The following ZNF469 variants were observed in gnomAD, a reference collection of about 807,000 sequenced individuals.
The protein encoded by ZNF469 is zinc finger protein 469.
A neutral mutation model predicts 1.0 loss-of-function variants in ZNF469; 1 was observed. The observed-to-expected ratio is 1.00, with a 90% confidence interval of 0.35 to 4.73. The LOEUF (loss-of-function observed/expected upper bound fraction) is 4.73, where lower values mean the gene tolerates loss of function less well. Among genes scored for constraint, ZNF469 ranks in the 30% most tolerant of loss-of-function variants. The pLI, the probability that ZNF469 is intolerant of heterozygous loss-of-function variation, is 0.16. For synonymous variants in ZNF469, 2,703 were observed against 2,363.4 expected, an observed-to-expected ratio of 1.14 and a Z score of -4.17; for missense variants, 6,100 against 5,356.3, an observed-to-expected ratio of 1.14 and a Z score of -4.33.
chr16:88,367,244 G>T, the ZNF469 span, among the ~76,000 whole-genome samples: 1 of 152,228 alleles, frequency 6.6e-6, no homozygotes, highest in African/African-American at 2.4e-5. Context: ...TATTGAGTTA[G>T]ATGTTGGTCC....
Position 88,436,115 on chromosome 16 carries a change from G to A in ZNF469, c.8645G>A (p.Cys2882Tyr), listed in dbSNP as rs1597213054. The change falls in exon 3 of 3, where the codon TGT becomes TAT. Residue 2882 changes from cysteine (C) to tyrosine (Y), a missense_variant. Coordinates refer to ENST00000565624, the MANE Select transcript of ZNF469 (RefSeq NM_001367624.2). ...KRNPHVYGKRCEKPVLPLPTQ... is the reference protein window; with the variant it reads ...KRNPHVYGKRYEKPVLPLPTQ... ...AACCCGCATGTCTACGGGAAGCGCT[G>A]TGAGAAGCCGGTGCTCCCGCTGCCA... 1 of 1,548,792 alleles carries A rather than the reference G, an allele frequency of 6.5e-7. No homozygotes were observed. The highest frequency in any genetic ancestry group is 1.4e-5 in the African/African-American group (1 of 73,192).
chr16:88,169,011 A>G, the ZNF469 span, among the ~76,000 whole-genome samples: 86 of 152,114 alleles, frequency 5.7e-4, no homozygotes, highest in African/African-American at 1.8e-3. The surrounding 1 kb of genome is among the most constrained non-coding windows in gnomAD (Gnocchi z 6.1). Context: ...ATCTGGAAGG[A>G]TGTGGGGAGG....
At chr16:88,247,505 G>GAATGAGTGAGTGAGT in the ZNF469 span, among the ~76,000 whole-genome samples, 13,743 of 144,592 alleles carry the variant, frequency 0.095, 909 homozygotes, top group East Asian at 0.29. Context: ...AGTGAGTGAG[G>GAATGAGTGAGTGAGT]GAATGAGTGA....
the ZNF469 span, among the ~76,000 whole-genome samples, chr16:88,142,044 T>C: frequency 6.6e-6 from 1 of 152,142 alleles, no homozygotes. Flanking sequence ...TGAGCTGAGC[T>C]CGAGATGCCT....
the ZNF469 span, among the ~76,000 whole-genome samples, chr16:88,164,929 C>T: frequency 4.3e-4 from 65 of 152,300 alleles, no homozygotes; most frequent in African/African-American, 1.4e-3. Context: ...TGGCTCAGGG[C>T]CAGGCAGTAG....
Position 88,431,400 on chromosome 16 carries a change from C to T in ZNF469, c.3930C>T (p.Ala1310=), listed in dbSNP as rs1906172311. 1.9e-6 allele frequency: 3 copies of T among 1,550,218 alleles called. No individual in the cohort carries two copies. The highest frequency in any genetic ancestry group is 2.6e-6 in the Non-Finnish European group (3 of 1,146,968). The change falls in exon 3 of 3, where the codon GCC becomes GCT. Residue 1310 remains alanine, a synonymous_variant. Transcript: ENST00000565624. ...TGGGTGGTCCTGGGGGCACACAGGC[C>T]CCAGTCTCCCACAACAGCAAGGACC... ...SLLGGPGGTQ[A]PVSHNSKDPP...
At chr16:88,156,537 C>A in the ZNF469 span, among the ~76,000 whole-genome samples, 1 of 152,170 alleles carries the variant, frequency 6.6e-6, no homozygotes, top group Non-Finnish European at 1.5e-5. Context: ...ATCAATTGAA[C>A]CTACATGTGA....
At chr16:88,196,894 G>T in the ZNF469 span, among the ~76,000 whole-genome samples, 1,761 of 152,252 alleles carry the variant, frequency 0.012, 76 homozygotes, top group East Asian at 0.14. Context: ...CTGCTCTTTG[G>T]GGCATGAGGA....
chr16:88,152,307 G>A, the ZNF469 span, among the ~76,000 whole-genome samples: 4 of 152,240 alleles, frequency 2.6e-5, no homozygotes, highest in Non-Finnish European at 5.9e-5. The surrounding 1 kb of genome is among the most constrained non-coding windows in gnomAD (Gnocchi z 4.2). Flanking sequence ...AAAGTCACGG[G>A]CAGCCATGAG....
chr16:88,371,762 A>G, the ZNF469 span, among the ~76,000 whole-genome samples: 1,003 of 152,064 alleles, frequency 6.6e-3, 11 homozygotes, highest in African/African-American at 0.021. Context: ...CACATTTGCT[A>G]TGCTTAATTT....
the ZNF469 span, among the ~76,000 whole-genome samples, chr16:88,184,276 C>T: frequency 1.4e-4 from 21 of 152,188 alleles, no homozygotes; most frequent in East Asian, 1.2e-3. Context: ...CCCAGCCTGG[C>T]AGTGTGGGGC....
chr16:88,403,473 C>T (rs948024271), intron 1 of ZNF469, among the ~76,000 whole-genome samples: 1 of 149,786 alleles, frequency 6.7e-6, no homozygotes, highest in Non-Finnish European at 1.5e-5. Flanking sequence ...ACCGCCATCT[C>T]GGGAGCAGCT....
At chr16:88,375,039 A>G in the ZNF469 span, among the ~76,000 whole-genome samples, 1 of 152,244 alleles carries the variant, frequency 6.6e-6, no homozygotes, top group African/African-American at 2.4e-5. Flanking sequence ...GACTGTGCAC[A>G]CAGCTGGGGC....
chr16:88,156,542 A>C, the ZNF469 span, among the ~76,000 whole-genome samples: 13 of 152,356 alleles, frequency 8.5e-5, 1 homozygote, highest in East Asian at 2.3e-3. Flanking sequence ...TTGAACCTAC[A>C]TGTGAGAAGT....
the ZNF469 span, among the ~76,000 whole-genome samples, chr16:88,253,562 G>A: frequency 6.6e-6 from 1 of 150,594 alleles, no homozygotes; most frequent in African/African-American, 2.5e-5. Flanking sequence ...TTTGGAGATG[G>A]AGTCTCATTC....
At chr16:88,114,299 G>A in the ZNF469 span, among the ~76,000 whole-genome samples, 13 of 145,190 alleles carry the variant, frequency 9.0e-5, no homozygotes, top group African/African-American at 3.1e-4. Context: ...CACTCACTGC[G>A]GGGGTCTTCG....
At chr16:88,258,602 C>T in the ZNF469 span, among the ~76,000 whole-genome samples, 1 of 152,052 alleles carries the variant, frequency 6.6e-6, no homozygotes, top group Admixed American at 6.5e-5. Context: ...GCTTTGGGGA[C>T]GCTAAGCATG....
chr16:88,434,306 C>T lies in ZNF469; in HGVS notation c.6836C>T (p.Pro2279Leu). 1 of 1,550,380 alleles carries T rather than the reference C, an allele frequency of 6.5e-7. No homozygotes were observed. Among genetic ancestry groups the T allele is most frequent in the Non-Finnish European group, 8.7e-7 (1 of 1,146,978 alleles). Residue 2279 changes from proline (P) to leucine (L), a missense_variant, in exon 3 of 3, where the codon CCC becomes CTC. By Grantham distance (98) the Pro-to-Leu change is moderately conservative. Coordinates refer to ENST00000565624, the MANE Select transcript of ZNF469 (RefSeq NM_001367624.2). ...TSPPLAGAVS[P>L]SVAVRATGLS... ...CCTCCTCTGGCAGGGGCCGTCTCCC[C>T]CAGCGTGGCCGTCAGGGCTACTGGC...
chr16:88,229,781 C>T, the ZNF469 span, among the ~76,000 whole-genome samples: 4 of 152,212 alleles, frequency 2.6e-5, no homozygotes, highest in Non-Finnish European at 5.9e-5. Context: ...CTTCCCACAA[C>T]AATGGTGCCT....
Sources: gnomAD v4.1 joint callset for allele counts (sites outside exome capture counted in the v4.1 genomes callset) on GRCh38, gnomAD v4.1.1 for gene constraint, Gnocchi (gnomAD v3.1) non-coding constraint, MANE v1.5 for transcripts, NCBI Gene and HGNC (gene_info 2026-07-23, HGNC 2026-07-21) for gene names.